The following ABCA1 variants were observed in gnomAD, a reference collection of about 807,000 sequenced individuals.
ABCA1 encodes the protein ATP binding cassette subfamily A member 1, also known as phospholipid-transporting ATPase ABCA1.
A neutral mutation model predicts 262.5 loss-of-function variants in ABCA1; 133 were observed. That is an observed-to-expected ratio of 0.51 (90% CI 0.44 to 0.59). ABCA1 has a LOEUF of 0.59. Ranked by LOEUF, ABCA1 falls within the 20% of genes least tolerant of loss-of-function variation. The probability of loss-of-function intolerance (pLI) is 0.00; values close to 1 mark genes in which losing one functional copy is unlikely to be tolerated. For missense variants in ABCA1, 2,452 were observed against 2,777.5 expected, an observed-to-expected ratio of 0.88 and a Z score of 2.63; for synonymous variants, 1,022 against 1,043.5, an observed-to-expected ratio of 0.98 and a Z score of 0.40.
chr9:104,831,237 G>A, intron 13 of ABCA1, 136 bp from the exon 14 acceptor site: 1 of 894,192 alleles, frequency 1.1e-6, no homozygotes, highest in East Asian at 2.7e-5. Context: ...TTTTTTTTGA[G>A]ATGGAGTTTC....
At position 104,814,458 on chromosome 9, in the gene ABCA1, G is replaced by A. The variant is rs141006151; in HGVS notation, c.3756C>T (p.Ala1252=). Reference sequence around the variant, plus strand: ...TCTCAGCATCCACCCCACTCTCTTCGGCCACCTTGAGGAATATCTGGAAAA... The same window carrying A: ...TCTCAGCATCCACCCCACTCTCTTCAGCCACCTTGAGGAATATCTGGAAAA... ...TTLEEIFLKV[A]EESGVDAETS... Residue 1252 remains alanine, a synonymous_variant, in exon 26 of 50, where the codon GCC becomes GCT. Coordinates refer to ENST00000374736, the MANE Select transcript of ABCA1 (RefSeq NM_005502.4). 2.5e-5 allele frequency: 40 copies of A among 1,613,880 alleles called. No individual in the cohort carries two copies. The highest frequency in any genetic ancestry group is 1.5e-4 in the Admixed American group (9 of 59,982).
intron 32 of ABCA1, among the ~76,000 whole-genome samples, chr9:104,803,913 C>G (rs1402368199): frequency 6.6e-6 from 1 of 152,030 alleles, no homozygotes; most frequent in East Asian, 1.9e-4. Context: ...GGCCTAGAAG[C>G]TTTTTCAATT....
chr9:104,835,311 T>C (rs59470590), intron 11 of ABCA1, among the ~76,000 whole-genome samples: 2,455 of 151,502 alleles, frequency 0.016, 73 homozygotes, highest in African/African-American at 0.056. Flanking sequence ...GGTTCCCTTT[T>C]CTTCCACCCA....
intron 1 of ABCA1, among the ~76,000 whole-genome samples, chr9:104,921,579 A>G (rs749864217): frequency 6.6e-6 from 1 of 152,218 alleles, no homozygotes; most frequent in Non-Finnish European, 1.5e-5. Context: ...AAATAACTTA[A>G]GTATGCACTA....
At chr9:104,856,019 T>C (rs756021293) in intron 7 of ABCA1, 6 of 1,612,850 alleles carry the variant, frequency 3.7e-6, no homozygotes, top group Non-Finnish European at 5.1e-6. Flanking sequence ...GCATCTCCGG[T>C]TGCTGCTACT....
At chr9:104,789,068 G>C (rs1304314498) in intron 44 of ABCA1, among the ~76,000 whole-genome samples, 1 of 152,204 alleles carries the variant, frequency 6.6e-6, no homozygotes, top group African/African-American at 2.4e-5. Flanking sequence ...TCACATGTGA[G>C]AGAAGTTCAG....
At position 104,812,784 on chromosome 9, in the gene ABCA1, C is replaced by A. The variant is rs1403641647; in HGVS notation, c.3902-62G>T. ...TAGGTGTTTTCGGCATTGCCATGCT[C>A]CTTCTTCTGGTGTCTTCAACAACTA... is the stretch of plus-strand genomic sequence containing the variant. On this transcript the variant is annotated intron_variant, in intron 27 of 49. Coordinates refer to ENST00000374736, the MANE Select transcript of ABCA1 (RefSeq NM_005502.4). 7 of 1,603,824 alleles carry A rather than the reference C, an allele frequency of 4.4e-6. No individual in the cohort carries two copies. In the East Asian group the frequency reaches 1.3e-4, roughly 31 times the overall value.
intron 7 of ABCA1, among the ~76,000 whole-genome samples, chr9:104,845,911 G>C (rs1160527267): frequency 6.6e-6 from 1 of 152,162 alleles, no homozygotes; most frequent in East Asian, 1.9e-4. Flanking sequence ...CTGCAAGATG[G>C]GTAATACGGG....
chr9:104,868,875 T>C (rs1343042105), intron 5 of ABCA1, among the ~76,000 whole-genome samples: 1 of 152,084 alleles, frequency 6.6e-6, no homozygotes, highest in African/African-American at 2.4e-5. Flanking sequence ...GGAACACATT[T>C]GCACGTGCAG....
rs1454002589 is a variant in ABCA1 at position 104,817,236 on chromosome 9, C to T, written c.3535+96G>A. On this transcript the variant is annotated intron_variant, in intron 24 of 49. Coordinates refer to ENST00000374736, the MANE Select transcript of ABCA1 (RefSeq NM_005502.4). This position sits in a 1 kb window ranked among gnomAD's most constrained non-coding sequence, Gnocchi z 4.7. ...AGCCCAGCAGCAAACCTTGAGTCAG[C>T]GCCACCAGCCTCTGCACCTCTCCTC... The T allele has an allele frequency of 3.0e-5, 48 of 1,604,840 alleles. No homozygotes were observed. In the South Asian group the frequency reaches 3.7e-4, roughly 12 times the overall value.
rs546181519 is a variant in ABCA1, at chr9:104,804,081, G to A, written c.4559+545C>T. On this transcript the variant is annotated intron_variant, in intron 32 of 49. Coordinates refer to ENST00000374736, the MANE Select transcript of ABCA1 (RefSeq NM_005502.4). ...CTGACCAAGTTGATGGGAAGGAAAC[G>A]AGAACAAACATTTGCTGAGCCAAGC... Among the ~76,000 whole-genome samples, 166 of 152,228 alleles carry A rather than the reference G, an allele frequency of 1.1e-3. 2 individuals are homozygous for A. In the South Asian group the frequency reaches 0.026, roughly 24 times the overall value.
intron 25 of ABCA1, among the ~76,000 whole-genome samples, chr9:104,815,461 TCTAAGGGGAGGCA>T (rs1730590377): frequency 6.6e-6 from 1 of 152,166 alleles, no homozygotes; most frequent in African/African-American, 2.4e-5. Flanking sequence ...ATGTTGTATC[TCTAAGGGGAGGCA>T]TTACATGGAT....
At chr9:104,799,126 C>T (rs367814544) in intron 36 of ABCA1, among the ~76,000 whole-genome samples, 13 of 152,136 alleles carry the variant, frequency 8.5e-5, no homozygotes, top group African/African-American at 2.7e-4. Context: ...AAGCCCATTA[C>T]ATGGGGTCTT....
rs188816861 is a variant in ABCA1, at chr9:104,853,372, C to T, written c.720+5150G>A. ...AACCCCACATTCCTCCCACTACAGC[C>T]CACAGTGTCTGTGTTGGCAAAGACT... On this transcript the variant is annotated intron_variant, in intron 7 of 49. Coordinates refer to ENST00000374736, the MANE Select transcript of ABCA1 (RefSeq NM_005502.4). Among the ~76,000 whole-genome samples, 899 of 152,312 alleles carry T rather than the reference C, an allele frequency of 5.9e-3. 5 individuals carry two copies. The highest frequency in any genetic ancestry group is 9.7e-3 in the Non-Finnish European group (658 of 68,028).
rs1405364388 is a variant in ABCA1 at position 104,831,721 on chromosome 9, G to C, written c.1616C>G (p.Thr539Ser). 4 of 1,614,054 alleles carry C rather than the reference G, an allele frequency of 2.5e-6. No homozygotes were observed. Among genetic ancestry groups the C allele is most frequent in the Non-Finnish European group, 3.4e-6 (4 of 1,180,038 alleles). ...ERKFWAGIVF[T>S]GITPGSIELP... ...CTCAATGCTGCCTGGAGTAATTCCA[G>C]TGAACACAATACCAGCCCAGAACTT... The change falls in exon 13 of 50, where the codon ACT becomes AGT. Residue 539 changes from threonine to serine, a missense_variant. By Grantham distance (58) the Thr-to-Ser change is moderately conservative. Around this residue, in one of 4 missense-constraint regions of ABCA1, gnomAD observed 1,032 missense variants for 1,089.7 expected, o/e 0.95. Transcript: ENST00000374736.
intron 1 of ABCA1, among the ~76,000 whole-genome samples, chr9:104,925,667 G>A (rs1826266558): frequency 6.6e-6 from 1 of 152,076 alleles, no homozygotes; most frequent in African/African-American, 2.4e-5. Context: ...AAATTCCCTA[G>A]CATTAATTAT....
At chr9:104,902,890 C>G (rs996253841) in intron 2 of ABCA1, among the ~76,000 whole-genome samples, 1 of 152,030 alleles carries the variant, frequency 6.6e-6, no homozygotes, top group Non-Finnish European at 1.5e-5. Flanking sequence ...AGAACAGGAA[C>G]AAGAGACTTA....
chr9:104,812,863 T>G, intron 27 of ABCA1, 141 bp from the exon 28 acceptor site: 1 of 1,079,290 alleles, frequency 9.3e-7, no homozygotes. Flanking sequence ...AGGGCTTTCA[T>G]GACAAAGCTA....
chr9:104,837,211 C>T (rs1203408052), intron 10 of ABCA1, 115 bp from the exon 11 acceptor site: 2 of 1,062,492 alleles, frequency 1.9e-6, no homozygotes. Context: ...GCCAGTCCTC[C>T]CCATCCCCAA....
Sources: gnomAD v4.1 joint callset for allele counts (sites outside exome capture counted in the v4.1 genomes callset) on GRCh38, gnomAD v4.1.1 for gene constraint, gnomAD v4.1.1 regional missense constraint, Gnocchi (gnomAD v3.1) non-coding constraint, MANE v1.5 for transcripts, NCBI Gene and HGNC (gene_info 2026-07-23, HGNC 2026-07-21) for gene names.